The following RFTN1 variants were observed in gnomAD, a reference collection of about 807,000 sequenced individuals.
RFTN1 encodes raftlin.
In RFTN1, 26 loss-of-function variants were observed where a neutral mutation model predicts 46.5. That is an observed-to-expected ratio of 0.56 (90% confidence interval 0.41 to 0.78). The LOEUF (loss-of-function observed/expected upper bound fraction) is 0.78. RFTN1 is among the 30% of genes least tolerant of loss of function. RFTN1 has a pLI of 0.00. For missense variants in RFTN1, 693 were observed against 718.7 expected, an observed-to-expected ratio of 0.96 and a Z score of 0.41; for synonymous variants, 261 against 284.2, an observed-to-expected ratio of 0.92 and a Z score of 0.82.
In RFTN1 at chr3:16,376,470, A is replaced by C. The variant is rs568378871; in HGVS notation, c.826+1248T>G. On this transcript the variant is annotated intron_variant, in intron 5 of 9. Coordinates refer to ENST00000334133, the MANE Select transcript of RFTN1 (RefSeq NM_015150.2). This position sits in a 1 kb window ranked among gnomAD's most constrained non-coding sequence, Gnocchi z 4.7. Reference sequence around the variant, plus strand: ...TCCAGTGAGGTCCATCTTCCTGCCCAGGATTCAGAGCACACACATCCAGCC... The same window carrying C: ...TCCAGTGAGGTCCATCTTCCTGCCCCGGATTCAGAGCACACACATCCAGCC... Among the ~76,000 whole-genome samples, 1 of 152,282 alleles carries C rather than the reference A, an allele frequency of 6.6e-6. No homozygotes were observed. Among genetic ancestry groups the C allele is most frequent in the South Asian group, 2.1e-4 (1 of 4,828 alleles).
At position 16,398,244 on chromosome 3, in the gene RFTN1, C is replaced by CAAA. The variant is rs202032095; in HGVS notation, c.441+11128_441+11130dup. 5.1e-3 allele frequency among the ~76,000 whole-genome samples: 570 copies of CAAA among 110,710 alleles called. 28 individuals are homozygous for CAAA. The highest frequency in any genetic ancestry group is 7.9e-3 in the Admixed American group (78 of 9,820). 72.6% of individuals were successfully genotyped at this position (110,710 alleles called of 152,430 possible). ...CCTGGGTGACAGAGAAAGACTGTCTCAAAAAAAAAAAAAAAAAAAAAAAAA... is the reference window on the plus strand; with the variant it reads ...CCTGGGTGACAGAGAAAGACTGTCTCAAAAAAAAAAAAAAAAAAAAAAAAAAAA... On this transcript the variant is annotated intron_variant, in intron 4 of 9. Coordinates refer to ENST00000334133, the MANE Select transcript of RFTN1 (RefSeq NM_015150.2).
chr3:16,378,180 C>T, intron 4 of RFTN1, 78 bp from the exon 5 acceptor site: 1 of 1,275,702 alleles, frequency 7.8e-7, no homozygotes, highest in East Asian at 2.3e-5. Context: ...TGCAAAGCGC[C>T]TCCCCGAGGC....
chr3:16,319,531 C>T (rs1377012723), intron 9 of RFTN1, among the ~76,000 whole-genome samples: 1 of 152,176 alleles, frequency 6.6e-6, no homozygotes, highest in Non-Finnish European at 1.5e-5. Context: ...TGCTGTTGTG[C>T]AGTGTACAAC....
Position 16,442,442 on chromosome 3 carries a change from T to C in RFTN1, c.146-8405A>G, listed in dbSNP as rs2075645616. On this transcript the variant is annotated intron_variant, in intron 2 of 9. Transcript: ENST00000334133. This position sits in a 1 kb window ranked among gnomAD's most constrained non-coding sequence, Gnocchi z 4.1. ...TTCACAAAAAAAAACTATTCTTTTT[T>C]TAAATTTTAATGGATTTTTGTTGTG... 6.6e-6 allele frequency among the ~76,000 whole-genome samples: 1 copy of C among 152,234 alleles called. No homozygotes were observed. The highest frequency in any genetic ancestry group is 2.4e-5 in the African/African-American group (1 of 41,458).
chr3:16,326,801 G>C lies in RFTN1; in HGVS notation c.1222C>G (p.Leu408Val). The C allele has an allele frequency of 6.2e-7, 1 of 1,614,118 alleles. No individual in the cohort carries two copies. The highest frequency in any genetic ancestry group is 8.5e-7 in the Non-Finnish European group (1 of 1,180,008). The change falls in exon 8 of 10, where the codon CTA (leucine) becomes GTA (valine). Residue 408 changes from leucine (L) to valine (V), a missense_variant. By Grantham distance (32) the Leu-to-Val change is conservative (BLOSUM62 1). Transcript: ENST00000334133. ...AAYGWQLTCV[L>V]PTPVVKTTSE... ...GTAGTCTTGACGACGGGAGTTGGTA[G>C]CACACAGGTGAGCTGCCAGCCATAG...
In RFTN1 at chr3:16,337,941, G is replaced by C. The variant is rs2071020375; in HGVS notation, c.1147-11065C>G. Among the ~76,000 whole-genome samples the C allele has an allele frequency of 6.6e-6, 1 of 152,138 alleles. No individual in the cohort carries two copies. Among genetic ancestry groups the C allele is most frequent in the Non-Finnish European group, 1.5e-5 (1 of 68,030 alleles). On this transcript the variant is annotated intron_variant, in intron 7 of 9. Coordinates refer to ENST00000334133, the MANE Select transcript of RFTN1 (RefSeq NM_015150.2). This position sits in a 1 kb window ranked among gnomAD's most constrained non-coding sequence, Gnocchi z 5.0. ...GAAGTCTAATTTATGATAACCTACT[G>C]TGAGGCCCAGCAGTGCCACCAGCTT...
chr3:16,332,017 A>G (rs1006562272), intron 7 of RFTN1, among the ~76,000 whole-genome samples: 1 of 152,100 alleles, frequency 6.6e-6, no homozygotes, highest in Non-Finnish European at 1.5e-5. Context: ...AACCTGTTGT[A>G]TTGCTTTGAA....
chr3:16,414,184 G>A (rs965689118), intron 3 of RFTN1, among the ~76,000 whole-genome samples: 2 of 151,896 alleles, frequency 1.3e-5, no homozygotes, highest in African/African-American at 4.8e-5. Flanking sequence ...ATAGATAGAA[G>A]TGACAAAACC....
At position 16,457,175 on chromosome 3, in the gene RFTN1, C is replaced by T. The variant is rs1485441501; in HGVS notation, c.146-23138G>A. ...ACTGCTTCTACGCAGAGCTGTGCAG[C>T]GTTTCTACCAAAGGCCAGGCCTGTC... On this transcript the variant is annotated intron_variant, in intron 2 of 9. Coordinates refer to ENST00000334133, the MANE Select transcript of RFTN1 (RefSeq NM_015150.2). The surrounding 1 kb of genome is among the most constrained non-coding windows in gnomAD (Gnocchi z 4.2). Among the ~76,000 whole-genome samples, 1 of 152,176 alleles carries T rather than the reference C, an allele frequency of 6.6e-6. No homozygotes were observed. The highest frequency in any genetic ancestry group is 6.5e-5 in the Admixed American group (1 of 15,278).
intron 5 of RFTN1, among the ~76,000 whole-genome samples, chr3:16,371,643 G>A (rs1399790266): frequency 6.6e-6 from 1 of 152,238 alleles, no homozygotes; most frequent in African/African-American, 2.4e-5. Context: ...AGCAATACCT[G>A]AATGAACAGC....
Position 16,449,041 on chromosome 3 carries a change from A to T in RFTN1, c.146-15004T>A, listed in dbSNP as rs1321356758. On this transcript the variant is annotated intron_variant, in intron 2 of 9. Transcript: ENST00000334133. This position sits in a 1 kb window ranked among gnomAD's most constrained non-coding sequence, Gnocchi z 5.1. ...TAATAAATGCATCCGTGTGGTATTA[A>T]TGTTTCAACTTAACATAGTTTTCCC... is the stretch of plus-strand genomic sequence containing the variant. 6.6e-6 allele frequency among the ~76,000 whole-genome samples: 1 copy of T among 152,228 alleles called. No homozygotes were observed. Among genetic ancestry groups the T allele is most frequent in the Non-Finnish European group, 1.5e-5 (1 of 68,044 alleles).
intron 4 of RFTN1, among the ~76,000 whole-genome samples, chr3:16,392,535 A>G (rs2074375821): frequency 6.6e-6 from 1 of 152,022 alleles, no homozygotes; most frequent in Non-Finnish European, 1.5e-5. Flanking sequence ...TGCATAATTG[A>G]CACTCAAAAC....
chr3:16,408,276 G>A (rs936678128), intron 4 of RFTN1, among the ~76,000 whole-genome samples: 2 of 152,050 alleles, frequency 1.3e-5, no homozygotes, highest in Non-Finnish European at 2.9e-5. Context: ...AGTACCTTCC[G>A]GATCCCCTTG....
intron 2 of RFTN1, among the ~76,000 whole-genome samples, chr3:16,454,142 C>T (rs546615818): frequency 1.3e-5 from 2 of 152,344 alleles, no homozygotes; most frequent in South Asian, 4.1e-4. Context: ...TTCTGCTCTC[C>T]TAATGAGAGT....
intron 1 of RFTN1, among the ~76,000 whole-genome samples, chr3:16,501,989 C>G (rs1228537117): frequency 6.6e-6 from 1 of 152,156 alleles, no homozygotes; most frequent in Non-Finnish European, 1.5e-5. Flanking sequence ...AAAATCCATA[C>G]TTTTGAAAAA....
At position 16,410,675 on chromosome 3, in the gene RFTN1, C is replaced by T. The variant is rs1311424834; in HGVS notation, c.333-1192G>A. Among the ~76,000 whole-genome samples the T allele has an allele frequency of 1.3e-5, 2 of 152,092 alleles. No individual in the cohort carries two copies. The highest frequency in any genetic ancestry group is 2.1e-4 in the South Asian group (1 of 4,818). ...TGTAAACGGCTGTCTGAGGTGAAGG[C>T]CTGTAGTCTTGCTGTCAAAGGAGAG... On this transcript the variant is annotated intron_variant, in intron 3 of 9. Coordinates refer to ENST00000334133, the MANE Select transcript of RFTN1 (RefSeq NM_015150.2). The surrounding 1 kb of genome is among the most constrained non-coding windows in gnomAD (Gnocchi z 4.6).
Position 16,451,079 on chromosome 3 carries a change from T to C in RFTN1, c.146-17042A>G, listed in dbSNP as rs1487679000. On this transcript the variant is annotated intron_variant, in intron 2 of 9. Transcript: ENST00000334133. This position sits in a 1 kb window ranked among gnomAD's most constrained non-coding sequence, Gnocchi z 4.2. ...TGCTCACTAAGGTCAGGGGCTTGGA[T>C]AAACTCTCATTATGAGAAAACATGC... 2.0e-5 allele frequency among the ~76,000 whole-genome samples: 3 copies of C among 152,146 alleles called. No individual in the cohort carries two copies. In the South Asian group the frequency reaches 6.2e-4, roughly 32 times the overall value.
rs1335136847 is a variant in RFTN1, at chr3:16,425,922, G to A, written c.332+7929C>T. Among the ~76,000 whole-genome samples, 1 of 152,132 alleles carries A rather than the reference G, an allele frequency of 6.6e-6. No individual in the cohort carries two copies. Among genetic ancestry groups the A allele is most frequent in the East Asian group, 1.9e-4 (1 of 5,198 alleles). On this transcript the variant is annotated intron_variant, in intron 3 of 9. Coordinates refer to ENST00000334133, the MANE Select transcript of RFTN1 (RefSeq NM_015150.2). This position sits in a 1 kb window ranked among gnomAD's most constrained non-coding sequence, Gnocchi z 4.3. ...CCTCAGGAAGCTAGAGAAAACTGATGAGGAAAGATACCACACCAGAAACGA... is the reference window on the plus strand; with the variant it reads ...CCTCAGGAAGCTAGAGAAAACTGATAAGGAAAGATACCACACCAGAAACGA...
rs1417037275 is a variant in RFTN1, at chr3:16,475,920, C to T, written c.145+17805G>A. ...TGCCACCCAGAGACAGACACCATGC[C>T]AACTGGGACTTTTTGTCTTCCCTTA... On this transcript the variant is annotated intron_variant, in intron 2 of 9. Transcript: ENST00000334133. The surrounding 1 kb of genome is among the most constrained non-coding windows in gnomAD (Gnocchi z 4.2). Among the ~76,000 whole-genome samples the T allele has an allele frequency of 6.6e-6, 1 of 152,188 alleles. No individual in the cohort carries two copies. Among genetic ancestry groups the T allele is most frequent in the African/African-American group, 2.4e-5 (1 of 41,436 alleles).
Sources: allele counts gnomAD v4.1 joint callset (sites outside exome capture counted in the v4.1 genomes callset), GRCh38; gene constraint gnomAD v4.1.1; non-coding constraint Gnocchi (gnomAD v3.1); transcripts MANE v1.5; gene names NCBI Gene and HGNC (gene_info 2026-07-23, HGNC 2026-07-21).